Variants in DIP2C observed in about 807,000 individuals in gnomAD.
DIP2C encodes DIP2 acetate--CoA ligase C (putative), also known as disco-interacting protein 2 homolog C.
DIP2C carries 33 observed loss-of-function variants against 192.4 expected under a neutral mutation model. The observed-to-expected ratio is 0.17, with a 90% CI of 0.13 to 0.23. The LOEUF (loss-of-function observed/expected upper bound fraction) is 0.23, where lower values mean the gene tolerates loss of function less well. Among genes scored for constraint, DIP2C ranks in the 10% least tolerant of loss-of-function variants. The pLI is 1.00. For synonymous variants in DIP2C, 979 were observed against 864.1 expected, an observed-to-expected ratio of 1.13 and a Z score of -2.33; for missense variants, 1,537 against 2,110.1, an observed-to-expected ratio of 0.73 and a Z score of 5.32.
chr10:646,166 C>T (rs1855441640), intron 1 of DIP2C, among the ~76,000 whole-genome samples: 1 of 152,200 alleles, frequency 6.6e-6, no homozygotes, highest in Non-Finnish European at 1.5e-5. Flanking sequence ...CCTCCACTCT[C>T]CACCCAGCCC....
chr10:305,822 A>C (rs1956290248), intron 32 of DIP2C, among the ~76,000 whole-genome samples: 1 of 151,950 alleles, frequency 6.6e-6, no homozygotes, highest in Admixed American at 6.6e-5. Context: ...TTTTTAAAAA[A>C]TGTTGTAGAG....
intron 32 of DIP2C, among the ~76,000 whole-genome samples, chr10:305,747 C>CA (rs1170864025): frequency 5.3e-5 from 8 of 152,120 alleles, no homozygotes; most frequent in Non-Finnish European, 1.0e-4. Context: ...CAGGATCAAG[C>CA]AGTCCTCCCA....
At chr10:476,174 C>G (rs982767445) in intron 2 of DIP2C, among the ~76,000 whole-genome samples, 1 of 152,158 alleles carries the variant, frequency 6.6e-6, no homozygotes, top group Non-Finnish European at 1.5e-5. Flanking sequence ...TTCACACACT[C>G]AAGAGTCTGG....
intron 1 of DIP2C, among the ~76,000 whole-genome samples, chr10:659,023 A>G (rs1446008152): frequency 2.6e-5 from 4 of 152,202 alleles, no homozygotes; most frequent in African/African-American, 4.8e-5. Flanking sequence ...ATGCACACAC[A>G]TTCACATAAT....
At chr10:530,995 C>A (rs1365438679) in intron 1 of DIP2C, among the ~76,000 whole-genome samples, 1 of 152,204 alleles carries the variant, frequency 6.6e-6, no homozygotes, top group African/African-American at 2.4e-5. Context: ...GCAGCCCCGA[C>A]TGGACAGAAG....
chr10:347,498 T>C (rs61836774), intron 26 of DIP2C, among the ~76,000 whole-genome samples: 50,616 of 55,180 alleles, frequency 0.92, 24,617 homozygotes, highest in Non-Finnish European at 0.95. Context: ...CCGGACACAT[T>C]GCGCATAGTT....
intron 1 of DIP2C, among the ~76,000 whole-genome samples, chr10:542,982 C>T (rs1275181752): frequency 1.3e-5 from 2 of 152,230 alleles, no homozygotes; most frequent in African/African-American, 2.4e-5. Context: ...CACATGCAGT[C>T]ATCCTCAGCA....
At chr10:531,459 T>C (rs766056641) in intron 1 of DIP2C, among the ~76,000 whole-genome samples, 3 of 152,034 alleles carry the variant, frequency 2.0e-5, no homozygotes, top group African/African-American at 4.8e-5. Context: ...GTACATCTCA[T>C]GGTCATGTTG....
intron 1 of DIP2C, among the ~76,000 whole-genome samples, chr10:497,814 G>A (rs1020936505): frequency 2.0e-5 from 3 of 152,156 alleles, no homozygotes; most frequent in African/African-American, 7.2e-5. Context: ...CAAAATGCAA[G>A]CGCCAAAAAA....
intron 6 of DIP2C, among the ~76,000 whole-genome samples, chr10:417,426 G>A (rs1965716676): frequency 9.3e-6 from 1 of 107,502 alleles, no homozygotes; most frequent in African/African-American, 3.4e-5. Flanking sequence ...GGCCAATTTA[G>A]TAAAGACGAA....
At chr10:615,357 G>A (rs776989496) in intron 1 of DIP2C, among the ~76,000 whole-genome samples, 16 of 152,116 alleles carry the variant, frequency 1.1e-4, no homozygotes, top group Admixed American at 2.0e-4. Flanking sequence ...CTGGAAACTC[G>A]CAGCCACCCG....
intron 4 of DIP2C, 115 bp from the exon 5 acceptor site, chr10:423,148 CTT>C: frequency 1.0e-6 from 1 of 966,624 alleles, no homozygotes; most frequent in Middle Eastern, 3.1e-4. Context: ...TGTTCAATGA[CTT>C]TTTGATACAC....
chr10:352,397 T>C (rs1043159031), intron 24 of DIP2C, among the ~76,000 whole-genome samples: 3 of 152,256 alleles, frequency 2.0e-5, no homozygotes, highest in Admixed American at 6.5e-5. Flanking sequence ...TGCTGGTTGA[T>C]GTCTTTCAGG....
rs376567120 is a variant in DIP2C, at chr10:627,653, G to A, written c.85+61841C>T. Among the ~76,000 whole-genome samples the A allele has an allele frequency of 7.5e-4, 114 of 152,350 alleles. No individual in the cohort carries two copies. In the Middle Eastern group the frequency reaches 0.01, roughly 14 times the overall value. On this transcript the variant is annotated intron_variant, in intron 1 of 36. Transcript: ENST00000280886. ...TTTGCCAGGCAAATTAGATGTCCGG[G>A]AGGTGTAAGGGAAACCCCAAGCCTG...
chr10:590,087 T>C (rs976752692), intron 1 of DIP2C, among the ~76,000 whole-genome samples: 1 of 152,196 alleles, frequency 6.6e-6, no homozygotes, highest in Non-Finnish European at 1.5e-5. Flanking sequence ...ACACTCTTCC[T>C]CTAAACGGGA....
chr10:618,196 T>G (rs1157378462), intron 1 of DIP2C, among the ~76,000 whole-genome samples: 1 of 152,252 alleles, frequency 6.6e-6, no homozygotes, highest in Non-Finnish European at 1.5e-5. Flanking sequence ...CCTCATGCAT[T>G]TTTCTGATAA....
intron 1 of DIP2C, among the ~76,000 whole-genome samples, chr10:534,384 T>TG (rs1374156533): frequency 6.6e-6 from 1 of 152,244 alleles, no homozygotes; most frequent in Non-Finnish European, 1.5e-5. Context: ...CCTGGGTCCC[T>TG]GCTAGTCACA....
At chr10:449,385 A>G (rs1343334218) in intron 3 of DIP2C, among the ~76,000 whole-genome samples, 1 of 152,108 alleles carries the variant, frequency 6.6e-6, no homozygotes, top group Non-Finnish European at 1.5e-5. Context: ...TTCTGAGAAA[A>G]TTTGTTTTTA....
chr10:320,168 T>C (rs1380975241), intron 31 of DIP2C, among the ~76,000 whole-genome samples: 1 of 152,210 alleles, frequency 6.6e-6, no homozygotes, highest in Admixed American at 6.5e-5. Context: ...CAAGTCATTT[T>C]CCACGGGAGA....
Sources: allele counts gnomAD v4.1 joint callset (sites outside exome capture counted in the v4.1 genomes callset), GRCh38; gene constraint gnomAD v4.1.1; transcripts MANE v1.5; gene names NCBI Gene and HGNC (gene_info 2026-07-23, HGNC 2026-07-21).